The following ADAMTSL3 variants were observed in gnomAD, a reference collection of about 807,000 sequenced individuals.
ADAMTSL3 encodes ADAMTS-like protein 3.
ADAMTSL3 carries 128 observed loss-of-function variants against 201.7 expected under a neutral mutation model. The ratio of observed to expected loss-of-function variants is 0.63; its 90% CI spans 0.55 to 0.73. The LOEUF is 0.73. Among genes scored for constraint, ADAMTSL3 ranks in the 30% least tolerant of loss-of-function variants. The probability of loss-of-function intolerance (pLI) is 0.00; values close to 1 mark genes in which losing one functional copy is unlikely to be tolerated. For missense variants in ADAMTSL3, 1,990 were observed against 2,119.6 expected, an observed-to-expected ratio of 0.94 and a Z score of 1.20; for synonymous variants, 738 against 748.4, an observed-to-expected ratio of 0.99 and a Z score of 0.23.
chr15:83,665,652 G>A (rs1047810639), intron 2 of ADAMTSL3, among the ~76,000 whole-genome samples: 2 of 152,190 alleles, frequency 1.3e-5, no homozygotes, highest in Admixed American at 1.3e-4. Flanking sequence ...GATTGTGATT[G>A]CTTTCAGTTT....
In ADAMTSL3 at chr15:83,982,630, G is replaced by A. The variant is rs761226768; in HGVS notation, c.3002G>A (p.Arg1001Gln). 1.5e-5 allele frequency: 24 copies of A among 1,614,028 alleles called. No homozygotes were observed. Among genetic ancestry groups the A allele is most frequent in the African/African-American group, 2.7e-5 (2 of 74,908 alleles). ...VVLKLIGTDN[R>Q]LIARPALREP... ...CTCAAGCTCATTGGTACTGACAACC[G>A]GCTCATCGCACGCCCAGCCCTCAGG... is the stretch of plus-strand genomic sequence containing the variant. Residue 1001 changes from arginine (R) to glutamine (Q), a missense_variant, in exon 21 of 30, where the codon CGG (arginine) becomes CAG (glutamine). Transcript: ENST00000286744.
intron 27 of ADAMTSL3, among the ~76,000 whole-genome samples, chr15:84,028,505 G>C (rs1002963732): frequency 2.0e-5 from 3 of 152,110 alleles, no homozygotes; most frequent in African/African-American, 7.2e-5. Flanking sequence ...AGAACTGAAT[G>C]TCAAAATTTT....
intron 6 of ADAMTSL3, among the ~76,000 whole-genome samples, chr15:83,822,126 G>A (rs1158980290): frequency 6.7e-6 from 1 of 149,682 alleles, no homozygotes; most frequent in Non-Finnish European, 1.5e-5. Flanking sequence ...CGGGCGGGGG[G>A]CTGACCCCCC....
intron 2 of ADAMTSL3, among the ~76,000 whole-genome samples, chr15:83,699,188 T>A (rs1418035753): frequency 6.6e-6 from 1 of 152,154 alleles, no homozygotes; most frequent in Non-Finnish European, 1.5e-5. Flanking sequence ...ATTTCCTTTC[T>A]GAGCTCTGGA....
intron 17 of ADAMTSL3, among the ~76,000 whole-genome samples, chr15:83,926,384 CA>C (rs1350094405): frequency 6.6e-6 from 1 of 152,124 alleles, no homozygotes; most frequent in East Asian, 1.9e-4. Context: ...AGGGTTTGAG[CA>C]ATGAAGTGGT....
At chr15:83,698,731 G>A (rs575141428) in intron 2 of ADAMTSL3, among the ~76,000 whole-genome samples, 3 of 152,256 alleles carry the variant, frequency 2.0e-5, no homozygotes, top group Admixed American at 2.0e-4. Flanking sequence ...TGTGAACTCA[G>A]CCATTTCTCC....
At chr15:83,691,392 C>T (rs756004580) in intron 2 of ADAMTSL3, among the ~76,000 whole-genome samples, 57 of 152,140 alleles carry the variant, frequency 3.7e-4, no homozygotes, top group Non-Finnish European at 3.7e-4. Context: ...CCTGAAAGGT[C>T]GTGTCAGGAG....
intron 3 of ADAMTSL3, among the ~76,000 whole-genome samples, chr15:83,764,023 T>G (rs956191771): frequency 4.6e-5 from 7 of 152,212 alleles, no homozygotes; most frequent in Admixed American, 3.9e-4. Context: ...GATATTGGCA[T>G]TTGCCACAAA....
intron 25 of ADAMTSL3, 24 bp downstream of exon 25, chr15:84,016,523 A>T (rs2141899436): frequency 6.3e-7 from 1 of 1,583,102 alleles, no homozygotes; most frequent in East Asian, 2.2e-5. Flanking sequence ...ACCTTTTCAG[A>T]TTTGCTATGT....
intron 4 of ADAMTSL3, among the ~76,000 whole-genome samples, chr15:83,788,108 CT>C (rs916321200): frequency 6.6e-6 from 1 of 152,018 alleles, no homozygotes. Context: ...AATTACCTTG[CT>C]TTTTTATTTG....
intron 3 of ADAMTSL3, among the ~76,000 whole-genome samples, chr15:83,744,776 G>A (rs1486765321): frequency 6.6e-6 from 1 of 152,194 alleles, no homozygotes; most frequent in African/African-American, 2.4e-5. Context: ...TTAATTTTCA[G>A]TCAGTGGTTT....
intron 3 of ADAMTSL3, among the ~76,000 whole-genome samples, chr15:83,766,328 G>GTT (rs2062889571): frequency 6.6e-6 from 1 of 152,164 alleles, no homozygotes; most frequent in Non-Finnish European, 1.5e-5. Context: ...CTTGAACTTA[G>GTT]CAAGCTCTTG....
intron 4 of ADAMTSL3, among the ~76,000 whole-genome samples, chr15:83,795,769 T>G (rs1056123500): frequency 2.0e-5 from 3 of 152,288 alleles, no homozygotes; most frequent in African/African-American, 7.2e-5. Context: ...GAAATTAATA[T>G]GAAAATTGAT....
chr15:83,683,409 C>T (rs1350611956), intron 2 of ADAMTSL3, among the ~76,000 whole-genome samples: 1 of 152,206 alleles, frequency 6.6e-6, no homozygotes, highest in African/African-American at 2.4e-5. Context: ...CTTTCCCAAT[C>T]CTCCCACTGG....
chr15:83,938,360 G>C (rs2066497344), intron 17 of ADAMTSL3, among the ~76,000 whole-genome samples: 1 of 152,280 alleles, frequency 6.6e-6, no homozygotes, highest in South Asian at 2.1e-4. Context: ...ATGATAAGCA[G>C]CTTGTCACAT....
intron 4 of ADAMTSL3, among the ~76,000 whole-genome samples, chr15:83,801,725 A>G (rs1247726914): frequency 1.5e-5 from 2 of 131,724 alleles, no homozygotes; most frequent in African/African-American, 5.5e-5. Flanking sequence ...AGATGGACCA[A>G]TGAAGAACTA....
chr15:83,912,597 TA>T (rs989424571), intron 15 of ADAMTSL3, among the ~76,000 whole-genome samples: 1 of 152,180 alleles, frequency 6.6e-6, no homozygotes, highest in African/African-American at 2.4e-5. Flanking sequence ...AAAAGAATAT[TA>T]AGGCTTCATC....
intron 8 of ADAMTSL3, among the ~76,000 whole-genome samples, chr15:83,859,915 C>T (rs776249423): frequency 7.2e-5 from 11 of 152,120 alleles, no homozygotes; most frequent in Non-Finnish European, 1.6e-4. Context: ...GTAATGCCAG[C>T]TCTTTGAGAG....
intron 7 of ADAMTSL3, among the ~76,000 whole-genome samples, chr15:83,847,233 A>C (rs1677318888): frequency 6.6e-6 from 1 of 152,140 alleles, no homozygotes. Flanking sequence ...TTTGTAAAAA[A>C]TTTGCTGTTA....
Sources: gnomAD v4.1 joint callset for allele counts (sites outside exome capture counted in the v4.1 genomes callset) on GRCh38, gnomAD v4.1.1 for gene constraint, MANE v1.5 for transcripts, NCBI Gene and HGNC (gene_info 2026-07-23, HGNC 2026-07-21) for gene names.